Variants in PRIM1 observed in about 807,000 individuals in gnomAD.
The protein encoded by PRIM1 is DNA primase subunit 1.
PRIM1 carries 38 observed loss-of-function variants against 60.2 expected under a neutral mutation model. The ratio of observed to expected loss-of-function variants is 0.63; its 90% CI spans 0.49 to 0.83. The LOEUF (loss-of-function observed/expected upper bound fraction) is 0.83. Among genes scored for constraint, PRIM1 ranks in the 40% least tolerant of loss-of-function variants. The pLI is 0.00. For missense variants in PRIM1, 388 were observed against 506.2 expected (o/e 0.77, Z 2.24); for synonymous variants, 158 against 160.2 (o/e 0.99, Z 0.10).
Position 56,732,426 on chromosome 12 carries a change from G to A in PRIM1, c.1244-692C>T, listed in dbSNP as rs144491963. On this transcript the variant is annotated intron_variant, in intron 12 of 12. Coordinates refer to ENST00000338193, the MANE Select transcript of PRIM1 (RefSeq NM_000946.3). The stretch of plus-strand genomic sequence containing the variant: ...TATTTGCACCTTTCGGAGATCTCCA[G>A]TGCTACTGTTCTAGTGGCAATAGCG... 9.9e-5 allele frequency among the ~76,000 whole-genome samples: 15 copies of A among 152,258 alleles called. 2 individuals are homozygous for A. The highest frequency in any genetic ancestry group is 3.6e-4 in the African/African-American group (15 of 41,542).
intron 2 of PRIM1, among the ~76,000 whole-genome samples, chr12:56,748,626 CAAAA>C (rs1181089411): frequency 3.0e-5 from 2 of 67,378 alleles, no homozygotes. Flanking sequence ...GACTCTGTCT[CAAAA>C]AAAAAAAAAA....
At position 56,741,472 on chromosome 12, in the gene PRIM1, A is replaced by G. The variant is rs889172565; in HGVS notation, c.945T>C (p.His315=). Residue 315 remains histidine, a synonymous_variant, in exon 9 of 13, where the codon CAT becomes CAC. Coordinates refer to ENST00000338193, the MANE Select transcript of PRIM1 (RefSeq NM_000946.3). ...LDINVSKGIN[H]LLKSPFSVHP... ...GAACACTAAAAGGGCTCTTCAGTAG[A>G]TGATTGATTCCTTTGCTGACATTGA... 3.7e-6 allele frequency: 6 copies of G among 1,613,660 alleles called. No individual in the cohort carries two copies. Among genetic ancestry groups the G allele is most frequent in the East Asian group, 4.5e-5 (2 of 44,884 alleles).
At chr12:56,739,606 T>C (rs1204519828) in intron 9 of PRIM1, among the ~76,000 whole-genome samples, 1 of 152,164 alleles carries the variant, frequency 6.6e-6, no homozygotes, top group African/African-American at 2.4e-5. Flanking sequence ...TGGTCATAGC[T>C]CACTGCAGGC....
Position 56,743,229 on chromosome 12 carries a change from G to C in PRIM1, c.639-133C>G, listed in dbSNP as rs1953884410. ...TTCAGAACTTAACTAGGTAAAATGG[G>C]AATACTACCCTGTGCAGGGTTATGA... On this transcript the variant is annotated intron_variant, in intron 6 of 12. Coordinates refer to ENST00000338193, the MANE Select transcript of PRIM1 (RefSeq NM_000946.3). 10 of 1,049,232 alleles carry C rather than the reference G, an allele frequency of 9.5e-6. No homozygotes were observed. In the South Asian group the frequency reaches 1.8e-4, roughly 19 times the overall value. The allele number at this position is 1,049,232 out of a possible 1,614,324, so 65.0% of individuals were successfully genotyped here.
At chr12:56,735,849 C>T (rs1953823745) in intron 11 of PRIM1, among the ~76,000 whole-genome samples, 1 of 151,280 alleles carries the variant, frequency 6.6e-6, no homozygotes, top group South Asian at 2.1e-4. Flanking sequence ...TGGGGTTTCG[C>T]CATGTTGGCC....
chr12:56,749,729 C>T (rs1470265136), intron 2 of PRIM1, among the ~76,000 whole-genome samples: 1 of 152,092 alleles, frequency 6.6e-6, no homozygotes, highest in Non-Finnish European at 1.5e-5. Context: ...GTTCTCTGGG[C>T]CTGTTTCCTC....
Position 56,741,841 on chromosome 12 carries a change from A to T in PRIM1, c.749-4T>A, listed in dbSNP as rs1230758240. 1 of 1,613,458 alleles carries T rather than the reference A, an allele frequency of 6.2e-7. No individual in the cohort carries two copies. The highest frequency in any genetic ancestry group is 8.5e-7 in the Non-Finnish European group (1 of 1,179,416). On this transcript the variant is annotated splice_region_variant and splice_polypyrimidine_tract_variant and intron_variant, in intron 7 of 12. Transcript: ENST00000338193. ...TGTTGAAGTTCATCATGAATTGGTG[A>T]TGGGTCATTAAGGAACAGACTCATT...
intron 5 of PRIM1, 34 bp downstream of exon 5, chr12:56,746,011 A>T (rs548275542): frequency 6.4e-7 from 1 of 1,570,046 alleles, no homozygotes; most frequent in East Asian, 2.2e-5. Context: ...TCTAGAAACT[A>T]AAGCAATGCA....
At chr12:56,749,286 G>A (rs1233705379) in intron 2 of PRIM1, among the ~76,000 whole-genome samples, 3 of 152,142 alleles carry the variant, frequency 2.0e-5, no homozygotes, top group Non-Finnish European at 4.4e-5. Context: ...TAGAGTTACA[G>A]GTGTGAACCA....
intron 12 of PRIM1, among the ~76,000 whole-genome samples, chr12:56,732,052 A>C (rs1029977974): frequency 6.6e-6 from 1 of 152,200 alleles, no homozygotes; most frequent in Admixed American, 6.5e-5. Flanking sequence ...AAACTATCAC[A>C]TATTTAAATA....
chr12:56,738,690 T>C (rs1227339122), intron 10 of PRIM1, among the ~76,000 whole-genome samples, 165 bp from the exon 11 acceptor site: 2 of 152,224 alleles, frequency 1.3e-5, no homozygotes, highest in African/African-American at 4.8e-5. Context: ...TAGCTGGGAC[T>C]ACAGGCATAT....
intron 10 of PRIM1, 145 bp downstream of exon 10, chr12:56,739,149 G>A (rs983412260): frequency 2.4e-5 from 12 of 501,236 alleles, no homozygotes; most frequent in Middle Eastern, 5.2e-4. Context: ...TTAGGGCATC[G>A]TCATCTAACC....
rs536127128 is a variant in PRIM1, at chr12:56,738,488, C to T, written c.1090G>A (p.Glu364Lys). Residue 364 changes from glutamate (E) to lysine (K), a missense_variant, in exon 11 of 13, where the codon GAA becomes AAA. Coordinates refer to ENST00000338193, the MANE Select transcript of PRIM1 (RefSeq NM_000946.3). ...GCTTCATTCTCCTCTTTTTCCTCTT[C>T]ATTAGTGGAAATGGCATCCAATTCA... ...CRELDAISTN[E>K]EEKEENEAES... The T allele has an allele frequency of 1.1e-5, 17 of 1,586,738 alleles. No homozygotes were observed. In the East Asian group the frequency reaches 2.3e-4, roughly 21 times the overall value.
At position 56,734,146 on chromosome 12, in the gene PRIM1, C is replaced by T; in HGVS notation, c.1243+1G>A. The T allele has an allele frequency of 6.3e-7, 1 of 1,582,528 alleles. No individual in the cohort carries two copies. The highest frequency in any genetic ancestry group is 8.7e-7 in the Non-Finnish European group (1 of 1,154,552). On this transcript the variant is annotated splice_donor_variant, in intron 12 of 12. Transcript: ENST00000338193. LOFTEE classifies it high-confidence loss of function. ...TAGAAGGGAAAGGCATAGCGTCTTA[C>T]CACTCTTCTTAAGAAGTTCTCCTTT...
chr12:56,739,295 T>A lies in PRIM1; in HGVS notation c.1051A>T (p.Ser351Cys). The A allele has an allele frequency of 6.4e-7, 1 of 1,559,492 alleles. No homozygotes were observed. Among genetic ancestry groups the A allele is most frequent in the Non-Finnish European group, 8.7e-7 (1 of 1,144,008 alleles). ...AGTGATCAATGATCTGAAACATACC[T>A]TATGGTCGGAACAGTAAATGGATCA... ...QFDPFTVPTI[S>C]FICRELDAIS... The change falls in exon 10 of 13, where the codon AGC becomes TGC. Residue 351 changes from serine to cysteine, a missense_variant and splice_region_variant. Around this residue, in one of 3 missense-constraint regions of PRIM1, gnomAD observed 211 missense variants for 277.9 expected, o/e 0.76. Transcript: ENST00000338193.
chr12:56,738,266 A>G (rs956776144), intron 11 of PRIM1, among the ~76,000 whole-genome samples, 168 bp downstream of exon 11: 2 of 152,244 alleles, frequency 1.3e-5, no homozygotes, highest in African/African-American at 2.4e-5. Context: ...ACTGGATTCA[A>G]TAACACCACT....
At chr12:56,742,176 C>G (rs1356036762) in intron 7 of PRIM1, 2 of 312,162 alleles carry the variant, frequency 6.4e-6, no homozygotes, top group African/African-American at 4.4e-5. Context: ...TTGCTTAAAT[C>G]TGCAAGGTGA....
At chr12:56,740,871 T>A (rs1953867955) in intron 9 of PRIM1, among the ~76,000 whole-genome samples, 1 of 152,126 alleles carries the variant, frequency 6.6e-6, no homozygotes, top group Non-Finnish European at 1.5e-5. Context: ...TGGAGTGCAG[T>A]GGCACCATCA....
chr12:56,739,876 C>T (rs562266626), intron 9 of PRIM1, among the ~76,000 whole-genome samples: 6 of 152,240 alleles, frequency 3.9e-5, no homozygotes, highest in East Asian at 3.9e-4. Context: ...CAGTGGCTCA[C>T]GCCTGTAATC....
Sources: gnomAD v4.1 joint callset for allele counts (sites outside exome capture counted in the v4.1 genomes callset) on GRCh38, gnomAD v4.1.1 for gene constraint, gnomAD v4.1.1 regional missense constraint, MANE v1.5 for transcripts, NCBI Gene and HGNC (gene_info 2026-07-23, HGNC 2026-07-21) for gene names.